The following PRKN variants were observed in gnomAD, a reference collection of about 807,000 sequenced individuals.
PRKN encodes E3 ubiquitin-protein ligase parkin.
A neutral mutation model predicts 59.5 loss-of-function variants in PRKN; 56 were observed. That is an observed-to-expected ratio of 0.94 (90% CI 0.76 to 1.18). PRKN has a LOEUF of 1.18. Ranked by LOEUF, PRKN falls within the 50% of genes most tolerant of loss-of-function variation. The pLI, the probability that PRKN is intolerant of heterozygous loss-of-function variation, is 0.00. For synonymous variants in PRKN, 250 were observed against 222.1 expected, an observed-to-expected ratio of 1.13 and a Z score of -1.12; for missense variants, 657 against 596.4, an observed-to-expected ratio of 1.10 and a Z score of -1.06.
intron 2 of PRKN, among the ~76,000 whole-genome samples, chr6:162,268,432 C>T (rs1583291952): frequency 6.6e-6 from 1 of 152,184 alleles, no homozygotes; most frequent in African/African-American, 2.4e-5. Context: ...AATACCAACA[C>T]CTTGACCTTG....
At chr6:162,684,703 G>A (rs1779901620) in intron 1 of PRKN, among the ~76,000 whole-genome samples, 1 of 152,220 alleles carries the variant, frequency 6.6e-6, no homozygotes, top group South Asian at 2.1e-4. Flanking sequence ...GACACAAGGA[G>A]CAGGTTACTT....
At position 161,474,610 on chromosome 6, in the gene PRKN, T is replaced by C. The variant is rs373403361; in HGVS notation, c.1083+74244A>G. 5.7e-4 allele frequency among the ~76,000 whole-genome samples: 87 copies of C among 152,086 alleles called. 1 individual carries two copies. Among genetic ancestry groups the C allele is most frequent in the Middle Eastern group, 6.8e-3 (2 of 294 alleles). ...TGTTCACCATTACTTTTTTTTTTTT[T>C]CGGCAATGGAGTCTCGCTCTGTTGC... On this transcript the variant is annotated intron_variant, in intron 9 of 11. Transcript: ENST00000366898.
chr6:161,509,660 T>A (rs949427469), intron 9 of PRKN, among the ~76,000 whole-genome samples: 1 of 151,646 alleles, frequency 6.6e-6, no homozygotes, highest in African/African-American at 2.4e-5. Flanking sequence ...GGAGGGTGGA[T>A]CACAAGTTTA....
rs952186164 is a variant in PRKN, at chr6:161,578,086, C to G, written c.872-8670G>C. ...AAGAAATAAGACGCACACCAACAAA[C>G]CAAGTAGATGTAGAAAGAGCCAAGT... On this transcript the variant is annotated intron_variant, in intron 7 of 11. Coordinates refer to ENST00000366898, the MANE Select transcript of PRKN (RefSeq NM_004562.3). This position sits in a 1 kb window ranked among gnomAD's most constrained non-coding sequence, Gnocchi z 4.2. Among the ~76,000 whole-genome samples the G allele has an allele frequency of 1.3e-4, 19 of 151,858 alleles. No homozygotes were observed. Among genetic ancestry groups the G allele is most frequent in the Non-Finnish European group, 2.2e-4 (15 of 67,980 alleles).
intron 1 of PRKN, among the ~76,000 whole-genome samples, chr6:162,492,328 C>T (rs1369495452): frequency 1.3e-5 from 2 of 152,202 alleles, no homozygotes; most frequent in Non-Finnish European, 2.9e-5. Flanking sequence ...GTTTGGGTTG[C>T]ATGAAGCTTC....
intron 1 of PRKN, among the ~76,000 whole-genome samples, chr6:162,719,543 G>GAAA (rs36120953): frequency 6.6e-6 from 1 of 151,006 alleles, no homozygotes. Context: ...TGTTTCAATG[G>GAAA]AAAAAAAAAA....
At chr6:161,514,978 T>G (rs1192831014) in intron 9 of PRKN, among the ~76,000 whole-genome samples, 1 of 152,136 alleles carries the variant, frequency 6.6e-6, no homozygotes, top group African/African-American at 2.4e-5. Flanking sequence ...GAGGCCCAAT[T>G]GTTAGTTAAA....
In PRKN at chr6:161,402,628, A is replaced by G. The variant is rs148396128; in HGVS notation, c.1084-15751T>C. 1.6e-4 allele frequency among the ~76,000 whole-genome samples: 25 copies of G among 152,238 alleles called. No individual in the cohort carries two copies. The highest frequency in any genetic ancestry group is 6.0e-4 in the African/African-American group (25 of 41,520). On this transcript the variant is annotated intron_variant, in intron 9 of 11. Transcript: ENST00000366898. The surrounding 1 kb of genome is among the most constrained non-coding windows in gnomAD (Gnocchi z 4.5). ...ATTAACAGGAGAAAGAGCATATTCA[A>G]TTCTGTACACATGAGAGTCCCACAG...
chr6:161,368,382 G>GAGATATATATATATATAT (rs1401312451), intron 10 of PRKN, among the ~76,000 whole-genome samples: 1 of 99,328 alleles, frequency 1.0e-5, no homozygotes, highest in African/African-American at 4.0e-5. Context: ...CCTCAGTCTT[G>GAGATATATATATATATAT]ATATATATAT....
At chr6:162,267,512 AAAC>A (rs1202083894) in intron 2 of PRKN, among the ~76,000 whole-genome samples, 13 of 152,212 alleles carry the variant, frequency 8.5e-5, no homozygotes, top group Admixed American at 8.5e-4. Context: ...CTTAGAGCAG[AAAC>A]AATGTCTTAT....
intron 7 of PRKN, among the ~76,000 whole-genome samples, chr6:161,621,430 C>T (rs555529742): frequency 6.6e-6 from 1 of 152,224 alleles, no homozygotes; most frequent in South Asian, 2.1e-4. Flanking sequence ...AGTCCCAAGG[C>T]TGGGGGTCCT....
rs374906108 is a variant in PRKN at position 161,733,958 on chromosome 6, TTACACACACACACACACACACACA to T, written c.871+51790_871+51813del. Among the ~76,000 whole-genome samples the T allele has an allele frequency of 9.9e-3, 791 of 79,512 alleles. 10 individuals carry two copies. Among genetic ancestry groups the T allele is most frequent in the African/African-American group, 0.037 (769 of 20,850 alleles). 52.2% of individuals were successfully genotyped at this position (79,512 alleles called of 152,430 possible). A position where few individuals can be genotyped will look rare whatever the true frequency, so the allele number is the denominator to read the frequency against. ...GACCTCTCTTTTATTGAAAATTCAT[TTACACACACACACACACACACACA>T]CACACACACACACACACACACACAT... On this transcript the variant is annotated intron_variant, in intron 7 of 11. Transcript: ENST00000366898.
intron 2 of PRKN, among the ~76,000 whole-genome samples, chr6:162,269,123 C>T (rs1780261542): frequency 6.6e-6 from 1 of 152,150 alleles, no homozygotes; most frequent in Non-Finnish European, 1.5e-5. Context: ...ACTCCGGATG[C>T]TGGTGCTGGC....
At chr6:162,153,784 C>G (rs1056465835) in intron 4 of PRKN, among the ~76,000 whole-genome samples, 4 of 152,132 alleles carry the variant, frequency 2.6e-5, no homozygotes, top group Non-Finnish European at 5.9e-5. Context: ...CTATGACATT[C>G]AGCAGTGGCT....
intron 7 of PRKN, among the ~76,000 whole-genome samples, chr6:161,757,317 ATT>A (rs1336477321): frequency 6.6e-6 from 1 of 152,182 alleles, no homozygotes; most frequent in African/African-American, 2.4e-5. Flanking sequence ...GAGAGAAAAC[ATT>A]TGCAAATCAT....
intron 7 of PRKN, among the ~76,000 whole-genome samples, chr6:161,673,605 G>A (rs1055061626): frequency 1.3e-5 from 2 of 152,172 alleles, no homozygotes; most frequent in African/African-American, 2.4e-5. Context: ...ATTTTAAAAT[G>A]ACTGCTCTGG....
chr6:161,556,095 T>C (rs1780228539), intron 8 of PRKN, among the ~76,000 whole-genome samples: 1 of 152,236 alleles, frequency 6.6e-6, no homozygotes, highest in Admixed American at 6.5e-5. Flanking sequence ...TTAGAAATTC[T>C]TGTTGACTGC....
chr6:162,010,384 A>T (rs1256112397), intron 5 of PRKN, among the ~76,000 whole-genome samples: 1 of 99,572 alleles, frequency 1.0e-5, no homozygotes, highest in South Asian at 2.8e-4. Flanking sequence ...TATAATATAT[A>T]ATATATAAAT....
rs144211043 is a variant in PRKN at position 161,533,916 on chromosome 6, A to G, written c.1083+14938T>C. ...GATAAACAGCGATTCCTGTTTTATA[A>G]GGTAGGAAGGCTGTATATTCACACG... On this transcript the variant is annotated intron_variant, in intron 9 of 11. Coordinates refer to ENST00000366898, the MANE Select transcript of PRKN (RefSeq NM_004562.3). The surrounding 1 kb of genome is among the most constrained non-coding windows in gnomAD (Gnocchi z 4.1). Among the ~76,000 whole-genome samples the G allele has an allele frequency of 6.6e-6, 1 of 152,256 alleles. No homozygotes were observed. Among genetic ancestry groups the G allele is most frequent in the Non-Finnish European group, 1.5e-5 (1 of 68,018 alleles).
Sources: allele counts gnomAD v4.1 joint callset (sites outside exome capture counted in the v4.1 genomes callset), GRCh38; gene constraint gnomAD v4.1.1; non-coding constraint Gnocchi (gnomAD v3.1); transcripts MANE v1.5; gene names NCBI Gene and HGNC (gene_info 2026-07-23, HGNC 2026-07-21).